Variants in CCDC12 observed in about 807,000 individuals in gnomAD.
CCDC12 encodes the protein coiled-coil domain-containing protein 12.
In CCDC12, 28 loss-of-function variants were observed where a neutral mutation model predicts 25.7. The observed-to-expected ratio is 1.09, with a 90% CI of 0.81 to 1.50. The LOEUF (loss-of-function observed/expected upper bound fraction) is 1.50. Among genes scored for constraint, CCDC12 ranks in the 40% most tolerant of loss-of-function variants. The probability of loss-of-function intolerance (pLI) is 0.00; values close to 1 mark genes in which losing one functional copy is unlikely to be tolerated. For synonymous variants in CCDC12, 75 were observed against 87.7 expected (o/e 0.86, Z 0.81); for missense variants, 198 against 210.0 (o/e 0.94, Z 0.35).
intron 1 of CCDC12, among the ~76,000 whole-genome samples, chr3:46,960,416 C>A (rs2034428382): frequency 6.6e-6 from 1 of 152,228 alleles, no homozygotes; most frequent in Non-Finnish European, 1.5e-5. Flanking sequence ...GGTGCTTTTT[C>A]TTCAGGATTC....
chr3:46,981,951 G>A (rs910519855), exon 1 of CCDC12: 1 of 152,490 alleles, frequency 6.6e-6, no homozygotes, highest in African/African-American at 2.4e-5. Flanking sequence ...CAGGTATGGA[G>A]CATAGGCTGG....
intron 2 of CCDC12, among the ~76,000 whole-genome samples, chr3:46,932,209 G>A (rs964727577): frequency 1.3e-5 from 2 of 152,154 alleles, no homozygotes; most frequent in African/African-American, 2.4e-5. Context: ...ACAGGAGCAA[G>A]CAAAACAAAG....
chr3:46,975,623 T>C (rs1479671671), intron 1 of CCDC12, among the ~76,000 whole-genome samples: 1 of 134,434 alleles, frequency 7.4e-6, no homozygotes, highest in African/African-American at 2.8e-5. Context: ...CTCCGCCTCC[T>C]GGGTTGACGC....
chr3:46,953,855 C>A (rs2034204692), intron 1 of CCDC12, among the ~76,000 whole-genome samples: 1 of 152,086 alleles, frequency 6.6e-6, no homozygotes, highest in Non-Finnish European at 1.5e-5. Context: ...TGGTGATGAG[C>A]AATGAAGTCA....
intron 5 of CCDC12, chr3:46,922,519 G>A (rs1484036072): frequency 9.8e-6 from 6 of 610,568 alleles, no homozygotes; most frequent in Non-Finnish European, 1.7e-5. Context: ...GAGGCAGGGG[G>A]ACTAGCATCA....
At chr3:46,964,565 A>G (rs1242737372) in intron 1 of CCDC12, among the ~76,000 whole-genome samples, 4 of 152,238 alleles carry the variant, frequency 2.6e-5, no homozygotes, top group Non-Finnish European at 5.9e-5. Flanking sequence ...GTCTGTGTAG[A>G]AAGAAGTAGA....
At chr3:46,944,839 G>A (rs4289375) in intron 1 of CCDC12, among the ~76,000 whole-genome samples, 142,829 of 152,142 alleles carry the variant, frequency 0.94, 67,725 homozygotes, top group East Asian at 1. Flanking sequence ...CTGCACCTCC[G>A]CTCAAAGCTC....
chr3:46,940,171 C>T (rs766041482), intron 2 of CCDC12, among the ~76,000 whole-genome samples: 1 of 152,226 alleles, frequency 6.6e-6, no homozygotes, highest in Non-Finnish European at 1.5e-5. Flanking sequence ...AGATCAGCAG[C>T]ACAGCTTTGC....
At chr3:46,942,351 C>A (rs923987420) in intron 1 of CCDC12, among the ~76,000 whole-genome samples, 2 of 152,226 alleles carry the variant, frequency 1.3e-5, no homozygotes, top group Non-Finnish European at 2.9e-5. Context: ...TGACAATGCT[C>A]ACTTCACTAT....
chr3:46,937,972 G>A (rs1035813959), intron 2 of CCDC12, among the ~76,000 whole-genome samples: 7 of 152,164 alleles, frequency 4.6e-5, no homozygotes, highest in Non-Finnish European at 1.0e-4. Context: ...GGGAGTGACC[G>A]AGTAGCAGGC....
intron 5 of CCDC12, 84 bp downstream of exon 5, chr3:46,923,245 G>T: frequency 7.5e-7 from 1 of 1,334,000 alleles, no homozygotes; most frequent in Non-Finnish European, 9.9e-7. Context: ...CACTGTGACG[G>T]CAGGAAGGGC....
intron 1 of CCDC12, chr3:46,976,225 G>A: frequency 1.3e-6 from 1 of 783,802 alleles, no homozygotes; most frequent in Non-Finnish European, 1.6e-6. Context: ...GAGTGCTGCC[G>A]GACTGGGGAG....
chr3:46,937,111 C>A (rs2033476926), intron 2 of CCDC12, among the ~76,000 whole-genome samples: 1 of 152,174 alleles, frequency 6.6e-6, no homozygotes, highest in Non-Finnish European at 1.5e-5. Context: ...ATCTGTGTAA[C>A]TCCCTTGGCG....
intron 2 of CCDC12, among the ~76,000 whole-genome samples, chr3:46,927,143 G>A (rs1559548515): frequency 6.6e-6 from 1 of 152,174 alleles, no homozygotes; most frequent in Non-Finnish European, 1.5e-5. Flanking sequence ...CGGGCGATGG[G>A]GCAGTACCAG....
At chr3:46,974,910 G>A (rs2034918371) in intron 1 of CCDC12, among the ~76,000 whole-genome samples, 1 of 152,126 alleles carries the variant, frequency 6.6e-6, no homozygotes, top group Non-Finnish European at 1.5e-5. Context: ...GAATGTGTAC[G>A]GACTGTCATT....
chr3:46,940,876 G>A lies in CCDC12; in HGVS notation c.164+122C>T, dbSNP rs188874676. The A allele has an allele frequency of 2.3e-3, 2,220 of 945,208 alleles. 4 individuals are homozygous for A. The highest frequency in any genetic ancestry group is 3.6e-3 in the East Asian group (149 of 41,578). The allele number at this position is 945,208 out of a possible 1,614,324, so 58.6% of individuals were successfully genotyped here. On this transcript the variant is annotated intron_variant, in intron 2 of 6. Coordinates refer to ENST00000683445, the MANE Select transcript of CCDC12 (RefSeq NM_001277074.2). Reference sequence around the variant, plus strand: ...TTTAAGGTCTGAACAGGACAGCCATGGGCAGAAAGAAGAGGGGAGGGAACA... The same window carrying A: ...TTTAAGGTCTGAACAGGACAGCCATAGGCAGAAAGAAGAGGGGAGGGAACA...
At chr3:46,969,043 C>G (rs1214319328) in intron 1 of CCDC12, among the ~76,000 whole-genome samples, 1 of 152,172 alleles carries the variant, frequency 6.6e-6, no homozygotes, top group African/African-American at 2.4e-5. Flanking sequence ...GGCTGCTGGG[C>G]CTGGGGATGT....
chr3:46,980,131 G>A (rs1400657419), upstream of CCDC12, among the ~76,000 whole-genome samples: 1 of 152,144 alleles, frequency 6.6e-6, no homozygotes. Context: ...GCTCGCGGTC[G>A]TGCACTTCAT....
chr3:46,941,706 AT>A (rs1003710561), intron 1 of CCDC12, among the ~76,000 whole-genome samples: 9 of 152,294 alleles, frequency 5.9e-5, no homozygotes, highest in African/African-American at 1.9e-4. Context: ...TGGAGGGGCC[AT>A]GCTGGCAGGC....
Sources: allele counts gnomAD v4.1 joint callset (sites outside exome capture counted in the v4.1 genomes callset), GRCh38; gene constraint gnomAD v4.1.1; transcripts MANE v1.5; gene names NCBI Gene and HGNC (gene_info 2026-07-23, HGNC 2026-07-21).